The following TAB3 variants were observed in gnomAD, a reference collection of about 807,000 sequenced individuals.
TAB3 encodes TGF-beta-activated kinase 1 and MAP3K7-binding protein 3.
A neutral mutation model predicts 48.1 loss-of-function variants in TAB3; 18 were observed. The observed-to-expected ratio is 0.37, with a 90% CI of 0.26 to 0.55. TAB3 has a LOEUF of 0.55. TAB3 is among the 20% of genes least tolerant of loss of function. The pLI is 0.78. For synonymous variants in TAB3, 185 were observed against 190.2 expected (o/e 0.97, Z 0.22); for missense variants, 414 against 549.8 (o/e 0.75, Z 2.47).
At chrX:30,848,651 GA>G (rs758964343) in intron 7 of TAB3, among the ~76,000 whole-genome samples, 8 of 111,482 alleles carry the variant, frequency 7.2e-5, no homozygotes, top group African/African-American at 2.0e-4. Context: ...ACTGAGGGGG[GA>G]AAAAAAGCAG....
intron 10 of TAB3, among the ~76,000 whole-genome samples, chrX:30,832,920 G>A (rs1456527399): frequency 9.0e-6 from 1 of 110,752 alleles, no homozygotes; most frequent in Non-Finnish European, 1.9e-5. Context: ...TCATATGGAG[G>A]AATAAAGCCT....
chrX:30,859,792 G>T, intron 4 of TAB3, 114 bp from the exon 5 acceptor site: 1 of 409,759 alleles, frequency 2.4e-6, no homozygotes, highest in South Asian at 4.6e-5. Context: ...GGCTTCCACT[G>T]ACACTCCTTC....
chrX:30,880,057 T>G, intron 1 of TAB3, among the ~76,000 whole-genome samples: 1 of 111,772 alleles, frequency 8.9e-6, no homozygotes, highest in Non-Finnish European at 1.9e-5. Context: ...AATGGCGTAG[T>G]GTATCATGTT....
At chrX:30,843,820 G>C (rs1342304527) in intron 8 of TAB3, 1 of 111,488 alleles carries the variant, frequency 9.0e-6, no homozygotes, top group East Asian at 2.8e-4. Context: ...TCTCCTCCAA[G>C]GTTGGTTTTG....
intron 9 of TAB3, among the ~76,000 whole-genome samples, chrX:30,841,525 T>TA (rs367789627): frequency 9.7e-4 from 99 of 101,986 alleles, no homozygotes; most frequent in South Asian, 1.7e-3. Flanking sequence ...AACTTATAAA[T>TA]AAAAAAAAAA....
chrX:30,875,248 A>G (rs902150471), intron 1 of TAB3, among the ~76,000 whole-genome samples: 1 of 112,542 alleles, frequency 8.9e-6, no homozygotes, highest in African/African-American at 3.2e-5. Context: ...GACAAAGAAC[A>G]TATGCCATTC....
intron 10 of TAB3, 46 bp from the exon 11 acceptor site, chrX:30,831,621 A>T: frequency 8.7e-7 from 1 of 1,155,556 alleles, no homozygotes; most frequent in Non-Finnish European, 1.2e-6. Flanking sequence ...TAAATAGATT[A>T]ACCTTTTTCC....
intron 9 of TAB3, 86 bp from the exon 10 acceptor site, chrX:30,834,238 C>G (rs1219908065): frequency 7.1e-6 from 6 of 847,631 alleles, no homozygotes; most frequent in Non-Finnish European, 1.0e-5. Flanking sequence ...TTTCAAGCAA[C>G]CCACACAGCT....
intron 9 of TAB3, among the ~76,000 whole-genome samples, chrX:30,839,075 T>C (rs971270432): frequency 1.8e-5 from 2 of 111,584 alleles, no homozygotes; most frequent in African/African-American, 6.5e-5. Flanking sequence ...CTTGCCTTGT[T>C]CCCAATGTTG....
chrX:30,882,257 CTTAAT>C (rs963670625), intron 1 of TAB3, among the ~76,000 whole-genome samples: 4 of 112,116 alleles, frequency 3.6e-5, no homozygotes, highest in African/African-American at 1.3e-4. Context: ...ATTATACTAA[CTTAAT>C]TTATTAAATC....
Position 30,868,621 on chromosome X carries a change from C to A in TAB3, c.-279-1072G>T, listed in dbSNP as rs1185837262. On this transcript the variant is annotated intron_variant, in intron 2 of 10. Transcript: ENST00000288422. The stretch of plus-strand genomic sequence containing the variant: ...GAGAGAGAGAGAGAGAGAGAGAGCG[C>A]GTGGGGGGGAGAGACAGAGAGAGAG... Among the ~76,000 whole-genome samples the A allele has an allele frequency of 3.2e-3, 135 of 42,605 alleles. 11 individuals are homozygous for A. Among genetic ancestry groups the A allele is most frequent in the Non-Finnish European group, 3.8e-3 (89 of 23,589 alleles). The allele number at this position is 42,605 out of a possible 115,157, so 37.0% of individuals were successfully genotyped here. A position where few individuals can be genotyped will look rare whatever the true frequency, so the allele number is the denominator to read the frequency against.
chrX:30,863,663 CT>C (rs1939320816), intron 4 of TAB3, among the ~76,000 whole-genome samples: 1 of 112,349 alleles, frequency 8.9e-6, no homozygotes, highest in Non-Finnish European at 1.9e-5. Context: ...TGTAAGCTTC[CT>C]GAGGCTCTCA....
At chrX:30,871,103 C>T (rs1267126712) in intron 2 of TAB3, among the ~76,000 whole-genome samples, 1 of 111,138 alleles carries the variant, frequency 9.0e-6, no homozygotes, top group Non-Finnish European at 1.9e-5. Flanking sequence ...GTAGAAATCA[C>T]GGCTGATATT....
chrX:30,873,457 G>A (rs1202144079), intron 1 of TAB3, among the ~76,000 whole-genome samples: 3 of 105,531 alleles, frequency 2.8e-5, no homozygotes, highest in Admixed American at 9.9e-5. Context: ...CCCGGGAGGC[G>A]GAGCTTGCAG....
At chrX:30,869,694 A>G (rs1939610505) in intron 2 of TAB3, among the ~76,000 whole-genome samples, 1 of 112,502 alleles carries the variant, frequency 8.9e-6, no homozygotes, top group African/African-American at 3.2e-5. Context: ...ACGTTATTTT[A>G]AAAGAAAGAT....
chrX:30,876,814 G>T (rs1172564495), intron 1 of TAB3, among the ~76,000 whole-genome samples: 1 of 111,617 alleles, frequency 9.0e-6, no homozygotes, highest in African/African-American at 3.3e-5. Flanking sequence ...AGGTCTAACA[G>T]CCAATAGACA....
intron 7 of TAB3, among the ~76,000 whole-genome samples, chrX:30,850,713 C>CAA (rs1194545106): frequency 1.6e-5 from 1 of 64,313 alleles, no homozygotes; most frequent in Non-Finnish European, 3.0e-5. Flanking sequence ...CTCTCCATCT[C>CAA]AAAAAAAAAA....
At chrX:30,879,541 A>C (rs189025344) in intron 1 of TAB3, among the ~76,000 whole-genome samples, 5 of 112,187 alleles carry the variant, frequency 4.5e-5, no homozygotes, top group African/African-American at 1.6e-4. Flanking sequence ...ATTTGATAAA[A>C]TCCAGTATCT....
rs1939491249 is a variant in TAB3 at position 30,868,334 on chromosome X, AAGCTTT to A, written c.-279-791_-279-786del. On this transcript the variant is annotated intron_variant, in intron 2 of 10. Transcript: ENST00000288422. ...ATATAGCTTATATATATATATATATAAGCTTTTATATATATAGCTTATATATATATA... is the reference window on the plus strand; with the variant it reads ...ATATAGCTTATATATATATATATATATATATATATAGCTTATATATATATA... Among the ~76,000 whole-genome samples, 11 of 29,486 alleles carry A rather than the reference AAGCTTT, an allele frequency of 3.7e-4. 1 individual carries two copies. The highest frequency in any genetic ancestry group is 1.7e-3 in the African/African-American group (10 of 5,845). 25.6% of individuals were successfully genotyped at this position (29,486 alleles called of 115,157 possible).
Sources: gnomAD v4.1 joint callset for allele counts (sites outside exome capture counted in the v4.1 genomes callset) on GRCh38, gnomAD v4.1.1 for gene constraint, MANE v1.5 for transcripts, NCBI Gene and HGNC (gene_info 2026-07-23, HGNC 2026-07-21) for gene names.